The following MGAT5B variants were observed in gnomAD, a reference collection of about 807,000 sequenced individuals.
The protein encoded by MGAT5B is N-acetylglucosaminyl-transferase Vb.
A neutral mutation model predicts 95.1 loss-of-function variants in MGAT5B; 54 were observed. That is an observed-to-expected ratio of 0.57 (90% CI 0.46 to 0.71). MGAT5B has a LOEUF of 0.71. MGAT5B is among the 30% of genes least tolerant of loss of function. The pLI is 0.00. For missense variants in MGAT5B, 935 were observed against 1,088.6 expected (o/e 0.86, Z 1.99); for synonymous variants, 464 against 451.0 (o/e 1.03, Z -0.36).
At chr17:76,913,665 A>T in intron 8 of MGAT5B, 1 of 508,628 alleles carries the variant, frequency 2.0e-6, no homozygotes, top group South Asian at 1.4e-5. Flanking sequence ...AAGGCCTCTT[A>T]CAGGCAAAGG....
intron 15 of MGAT5B, among the ~76,000 whole-genome samples, chr17:76,942,182 T>G (rs1180575906): frequency 1.3e-5 from 2 of 152,216 alleles, no homozygotes; most frequent in East Asian, 3.8e-4. Context: ...AACGCAGTGT[T>G]GTCCCCTGTC....
intron 17 of MGAT5B, 40 bp from the exon 18 acceptor site, chr17:76,948,600 T>G: frequency 6.3e-7 from 1 of 1,578,764 alleles, no homozygotes; most frequent in Non-Finnish European, 8.6e-7. Flanking sequence ...TCTGCCCAAG[T>G]GACCAACGCT....
At position 76,932,781 on chromosome 17, in the gene MGAT5B, C is replaced by T. The variant is rs1567821235; in HGVS notation, c.1422+6C>T. On this transcript the variant is annotated splice_donor_region_variant and intron_variant, in intron 11 of 17. Coordinates refer to ENST00000569840, the MANE Select transcript of MGAT5B (RefSeq NM_001199172.2). Reference sequence around the variant, plus strand: ...AGGAGGCGAGCATCTGGAAGGTGAGCGCGGCCCCTGCGCGCGGGAAGCACC... The same window carrying T: ...AGGAGGCGAGCATCTGGAAGGTGAGTGCGGCCCCTGCGCGCGGGAAGCACC... 3 of 1,613,020 alleles carry T rather than the reference C, an allele frequency of 1.9e-6. No homozygotes were observed. Among genetic ancestry groups the T allele is most frequent in the South Asian group, 1.1e-5 (1 of 91,044 alleles).
chr17:76,879,891 T>C lies in MGAT5B; in HGVS notation c.182-2260T>C, dbSNP rs111731953. ...AGAAGGACTACTCCAGCCCAAGTTA[T>C]GAGCGATGGCTCACCAGGGCTGCCC... On this transcript the variant is annotated intron_variant, in intron 2 of 17. Transcript: ENST00000569840. Among the ~76,000 whole-genome samples, 67 of 152,352 alleles carry C rather than the reference T, an allele frequency of 4.4e-4. 2 individuals are homozygous for C. Among genetic ancestry groups the C allele is most frequent in the African/African-American group, 1.5e-3 (64 of 41,586 alleles).
At position 76,905,887 on chromosome 17, in the gene MGAT5B, G is replaced by C. The variant is rs545075784; in HGVS notation, c.856-131G>C. On this transcript the variant is annotated intron_variant, in intron 7 of 17. Coordinates refer to ENST00000569840, the MANE Select transcript of MGAT5B (RefSeq NM_001199172.2). The surrounding 1 kb of genome is among the most constrained non-coding windows in gnomAD (Gnocchi z 4.2). ...TGCCCGATCTGGTCACTCTGGTGCC[G>C]GAAAGCACCTGCTGGGGCCCAGCCT... 1 of 989,674 alleles carries C rather than the reference G, an allele frequency of 1.0e-6. No homozygotes were observed. Among genetic ancestry groups the C allele is most frequent in the African/African-American group, 1.7e-5 (1 of 59,582 alleles). 61.3% of individuals were successfully genotyped at this position (989,674 alleles called of 1,614,324 possible). A position where few individuals can be genotyped will look rare whatever the true frequency, so the allele number is the denominator to read the frequency against.
rs1038051128 is a variant in MGAT5B, at chr17:76,940,713, A to G, written c.1732-19A>G. ...CTGGCAGGCACGGGGGGCATCTGCA[A>G]TCTCTGTACCCTTGCCAGGTGTTCT... On this transcript the variant is annotated intron_variant, in intron 14 of 17. Transcript: ENST00000569840. The surrounding 1 kb of genome is among the most constrained non-coding windows in gnomAD (Gnocchi z 4.3). The G allele has an allele frequency of 6.2e-7, 1 of 1,613,188 alleles. No homozygotes were observed. Among genetic ancestry groups the G allele is most frequent in the Non-Finnish European group, 8.5e-7 (1 of 1,179,326 alleles).
At position 76,940,553 on chromosome 17, in the gene MGAT5B, G is replaced by C; in HGVS notation, c.1731+5G>C. The C allele has an allele frequency of 6.2e-7, 1 of 1,605,360 alleles. No individual in the cohort carries two copies. Among genetic ancestry groups the C allele is most frequent in the Non-Finnish European group, 8.5e-7 (1 of 1,173,990 alleles). On this transcript the variant is annotated splice_donor_5th_base_variant and intron_variant, in intron 14 of 17. Coordinates refer to ENST00000569840, the MANE Select transcript of MGAT5B (RefSeq NM_001199172.2). The surrounding 1 kb of genome is among the most constrained non-coding windows in gnomAD (Gnocchi z 4.3). ...GGCAAGCCCACCTCCAGAGAGGTGAGTGGAAAGCATCCTGGTCCCCGATCA... is the reference window on the plus strand; with the variant it reads ...GGCAAGCCCACCTCCAGAGAGGTGACTGGAAAGCATCCTGGTCCCCGATCA...
At position 76,868,895 on chromosome 17, in the gene MGAT5B, G is replaced by C. The variant is rs1292858740; in HGVS notation, c.-135G>C. On this transcript the variant is annotated 5_prime_UTR_variant, in exon 1 of 18. Coordinates refer to ENST00000569840, the MANE Select transcript of MGAT5B (RefSeq NM_001199172.2). The surrounding 1 kb of genome is among the most constrained non-coding windows in gnomAD (Gnocchi z 6.3). ...CCCAGGCCTGAGCAGCGAGGCCACC[G>C]GGCCGCGCGCTCCCAGCTTCGCTCG... is the stretch of plus-strand genomic sequence containing the variant. 1.6e-5 allele frequency: 12 copies of C among 736,518 alleles called. No individual in the cohort carries two copies. The highest frequency in any genetic ancestry group is 2.1e-5 in the Non-Finnish European group (10 of 475,898). The allele number at this position is 736,518 out of a possible 1,614,324, so 45.6% of individuals were successfully genotyped here.
rs749084064 is a variant in MGAT5B at position 76,930,979 on chromosome 17, T to C, written c.1292-1666T>C. Among the ~76,000 whole-genome samples, 36 of 152,218 alleles carry C rather than the reference T, an allele frequency of 2.4e-4. No individual in the cohort carries two copies. The highest frequency in any genetic ancestry group is 4.4e-4 in the Non-Finnish European group (30 of 68,034). ...AGGTGGGAATGGGAGGCTTTTCCCC[T>C]GTCTCATCCATCTTTGTCCAGCATT... On this transcript the variant is annotated intron_variant, in intron 10 of 17. Coordinates refer to ENST00000569840, the MANE Select transcript of MGAT5B (RefSeq NM_001199172.2). The surrounding 1 kb of genome is among the most constrained non-coding windows in gnomAD (Gnocchi z 4.1).
At chr17:76,901,603 C>T (rs987705143) in intron 3 of MGAT5B, among the ~76,000 whole-genome samples, 1 of 152,160 alleles carries the variant, frequency 6.6e-6, no homozygotes, top group African/African-American at 2.4e-5. Flanking sequence ...AAAAGCAACA[C>T]TGGTATCGAT....
At chr17:76,881,125 G>C (rs927517952) in intron 2 of MGAT5B, among the ~76,000 whole-genome samples, 1 of 152,202 alleles carries the variant, frequency 6.6e-6, no homozygotes, top group Non-Finnish European at 1.5e-5. Context: ...GCAATGTGAA[G>C]CCTTCAGATT....
intron 8 of MGAT5B, among the ~76,000 whole-genome samples, chr17:76,909,414 T>C (rs1968651028): frequency 6.6e-6 from 1 of 152,228 alleles, no homozygotes; most frequent in African/African-American, 2.4e-5. Context: ...ACTGTTTGCA[T>C]GTGAATCAGC....
intron 8 of MGAT5B, among the ~76,000 whole-genome samples, chr17:76,911,132 C>CT (rs1378995891): frequency 2.6e-5 from 4 of 152,204 alleles, no homozygotes; most frequent in African/African-American, 9.7e-5. Flanking sequence ...CTAGGCATCT[C>CT]TGACTTCTTC....
chr17:76,907,795 G>A (rs1027676157), intron 8 of MGAT5B, among the ~76,000 whole-genome samples: 2 of 152,230 alleles, frequency 1.3e-5, no homozygotes, highest in Non-Finnish European at 2.9e-5. Flanking sequence ...GTCTTCCAAA[G>A]TGATTGCTCC....
Position 76,906,270 on chromosome 17 carries a change from T to C in MGAT5B, c.1025+83T>C, listed in dbSNP as rs966197507. On this transcript the variant is annotated intron_variant, in intron 8 of 17. Coordinates refer to ENST00000569840, the MANE Select transcript of MGAT5B (RefSeq NM_001199172.2). This position sits in a 1 kb window ranked among gnomAD's most constrained non-coding sequence, Gnocchi z 4.6. ...CCCCACCCCTCCCTCCCAGGGGCTGTGGGAGCACCTGCTCTGCCTGCAGGT... is the reference window on the plus strand; with the variant it reads ...CCCCACCCCTCCCTCCCAGGGGCTGCGGGAGCACCTGCTCTGCCTGCAGGT... 9 of 1,370,588 alleles carry C rather than the reference T, an allele frequency of 6.6e-6. No individual in the cohort carries two copies. Among genetic ancestry groups the C allele is most frequent in the Middle Eastern group, 2.5e-4 (1 of 3,960 alleles). 84.9% of individuals were successfully genotyped at this position (1,370,588 alleles called of 1,614,324 possible).
chr17:76,942,225 T>C (rs1969883502), intron 15 of MGAT5B, among the ~76,000 whole-genome samples: 1 of 152,170 alleles, frequency 6.6e-6, no homozygotes, highest in South Asian at 2.1e-4. Context: ...GGCAAGGCCT[T>C]GTAGAGCAAA....
At chr17:76,901,164 G>A (rs1450147074) in intron 3 of MGAT5B, among the ~76,000 whole-genome samples, 1 of 152,156 alleles carries the variant, frequency 6.6e-6, no homozygotes, top group African/African-American at 2.4e-5. Flanking sequence ...GTAGAGGGCG[G>A]GTGGCCATTG....
intron 10 of MGAT5B, among the ~76,000 whole-genome samples, chr17:76,927,666 A>G (rs1272143396): frequency 1.3e-5 from 2 of 152,242 alleles, no homozygotes; most frequent in Non-Finnish European, 2.9e-5. Context: ...TCCCGGGCGC[A>G]TGGGCCTGCC....
intron 3 of MGAT5B, among the ~76,000 whole-genome samples, chr17:76,900,019 C>T (rs1301692348): frequency 6.6e-6 from 1 of 152,146 alleles, no homozygotes; most frequent in African/African-American, 2.4e-5. Flanking sequence ...ACACAGGTGC[C>T]GCTGGCCACG....
Sources: allele counts gnomAD v4.1 joint callset (sites outside exome capture counted in the v4.1 genomes callset), GRCh38; gene constraint gnomAD v4.1.1; non-coding constraint Gnocchi (gnomAD v3.1); transcripts MANE v1.5; gene names NCBI Gene and HGNC (gene_info 2026-07-23, HGNC 2026-07-21).